The following TNIK variants were observed in gnomAD, a reference collection of about 807,000 sequenced individuals.
The protein encoded by TNIK is TRAF2 and NCK interacting kinase.
TNIK carries 49 observed loss-of-function variants against 191.3 expected under a neutral mutation model. That is an observed-to-expected ratio of 0.26 (90% CI 0.20 to 0.32). TNIK has a LOEUF of 0.32. Ranked by LOEUF, TNIK falls within the 10% of genes least tolerant of loss-of-function variation. The probability of loss-of-function intolerance (pLI) is 1.00; values close to 1 mark genes in which losing one functional copy is unlikely to be tolerated. For missense variants in TNIK, 1,155 were observed against 1,702.3 expected, an observed-to-expected ratio of 0.68 and a Z score of 5.66; for synonymous variants, 594 against 600.9, an observed-to-expected ratio of 0.99 and a Z score of 0.17.
intron 18 of TNIK, among the ~76,000 whole-genome samples, chr3:171,115,651 C>A (rs1168882270): frequency 6.6e-6 from 1 of 151,946 alleles, no homozygotes; most frequent in Non-Finnish European, 1.5e-5. Context: ...TGACACTGGC[C>A]AAATCAAGTA....
intron 2 of TNIK, among the ~76,000 whole-genome samples, chr3:171,327,723 T>A (rs1577492362): frequency 6.6e-6 from 1 of 151,794 alleles, no homozygotes; most frequent in Admixed American, 6.6e-5. Context: ...GGGTGTGTAA[T>A]GTGTTACCGC....
Position 171,194,564 on chromosome 3 carries a change from T to C in TNIK, c.378A>G (p.Lys126=), listed in dbSNP as rs761516132. 8.1e-6 allele frequency: 13 copies of C among 1,613,840 alleles called. No homozygotes were observed. The highest frequency in any genetic ancestry group is 1.1e-5 in the Non-Finnish European group (13 of 1,179,884). ...LIKNTKGNTL[K]EEWIAYICRE... is the part of the protein sequence containing the mutation. The stretch of plus-strand genomic sequence containing the variant: ...TGCAGATGTATGCAATCCACTCCTC[T>C]TTCAACGTGTTACCTTTTGTGTTCT... Residue 126 remains lysine (K), a synonymous_variant, in exon 5 of 33, where the codon AAA becomes AAG. Coordinates refer to ENST00000436636, the MANE Select transcript of TNIK (RefSeq NM_015028.4).
intron 30 of TNIK, 149 bp downstream of exon 30, chr3:171,068,699 T>C (rs1718779124): frequency 3.3e-6 from 2 of 608,394 alleles, no homozygotes; most frequent in East Asian, 3.5e-5. Context: ...TTTTAGTTAT[T>C]AAAAGCAGTA....
intron 3 of TNIK, among the ~76,000 whole-genome samples, chr3:171,218,737 G>T (rs145454144): frequency 7.0e-6 from 1 of 143,100 alleles, no homozygotes. Context: ...TTTTTACATT[G>T]TATACACTAT....
Position 171,460,286 on chromosome 3 carries a change from A to G in TNIK, c.-223T>C. 1.6e-6 allele frequency: 1 copy of G among 608,714 alleles called. No individual in the cohort carries two copies. The highest frequency in any genetic ancestry group is 2.9e-6 in the Non-Finnish European group (1 of 348,182). The allele number at this position is 608,714 out of a possible 1,614,324, so 37.7% of individuals were successfully genotyped here. A position where few individuals can be genotyped will look rare whatever the true frequency, so the allele number is the denominator to read the frequency against. On this transcript the variant is annotated 5_prime_UTR_variant, in exon 1 of 33. Transcript: ENST00000436636. The surrounding 1 kb of genome is among the most constrained non-coding windows in gnomAD (Gnocchi z 6.8). The stretch of plus-strand genomic sequence containing the variant: ...AGCCTGCGCGGATCTCCAAGCCCCG[A>G]GCAGCGGTGCGTGTGGGCTGAGCGC...
chr3:171,184,875 T>G (rs1256840546), intron 7 of TNIK, among the ~76,000 whole-genome samples: 2 of 152,174 alleles, frequency 1.3e-5, no homozygotes, highest in African/African-American at 4.8e-5. Context: ...GAGACACCCA[T>G]GTCTGCAAAT....
At chr3:171,109,104 A>C (rs1725435304) in intron 19 of TNIK, among the ~76,000 whole-genome samples, 1 of 152,210 alleles carries the variant, frequency 6.6e-6, no homozygotes, top group Admixed American at 6.5e-5. Flanking sequence ...GTTTATTTAA[A>C]TATTTGCTCT....
intron 9 of TNIK, among the ~76,000 whole-genome samples, chr3:171,173,588 T>C (rs941738757): frequency 2.0e-4 from 30 of 152,092 alleles, no homozygotes; most frequent in African/African-American, 7.0e-4. Context: ...GAAATCTAAA[T>C]GTAATGCTCA....
chr3:171,450,688 G>A (rs2108727210), intron 1 of TNIK, among the ~76,000 whole-genome samples: 1 of 152,250 alleles, frequency 6.6e-6, no homozygotes, highest in East Asian at 1.9e-4. Flanking sequence ...TCCTATTTAT[G>A]CCTTTTATCA....
chr3:171,188,354 G>A (rs896518597), intron 7 of TNIK, among the ~76,000 whole-genome samples: 8 of 151,992 alleles, frequency 5.3e-5, no homozygotes, highest in African/African-American at 1.9e-4. Flanking sequence ...TTAGTTTAAC[G>A]TAAAAAGCTA....
rs140013711 is a variant in TNIK at position 171,074,413 on chromosome 3, G to A, written c.3449-3090C>T. ...AATTTACCTGTTGCGTATAATGTTC[G>A]CAATTTGGCTGATGAGTTCACTGGA... On this transcript the variant is annotated intron_variant, in intron 28 of 32. Transcript: ENST00000436636. 5.1e-4 allele frequency among the ~76,000 whole-genome samples: 77 copies of A among 151,984 alleles called. No individual in the cohort carries two copies. The East Asian group carries it at 0.014, about 28-fold the overall frequency.
At chr3:171,375,525 CT>C (rs1163197901) in intron 1 of TNIK, among the ~76,000 whole-genome samples, 2 of 151,862 alleles carry the variant, frequency 1.3e-5, no homozygotes, top group African/African-American at 4.9e-5. Flanking sequence ...AATAAATACT[CT>C]TTCTTTCAGC....
intron 2 of TNIK, among the ~76,000 whole-genome samples, chr3:171,252,904 TA>T: frequency 1.3e-5 from 2 of 151,566 alleles, no homozygotes; most frequent in East Asian, 3.9e-4. Context: ...TTAAATGGAG[TA>T]GGGGTGTAGA....
At chr3:171,309,671 T>C (rs1370582643) in intron 2 of TNIK, among the ~76,000 whole-genome samples, 1 of 152,218 alleles carries the variant, frequency 6.6e-6, no homozygotes, top group African/African-American at 2.4e-5. Context: ...CAGTAACTTT[T>C]AAGAATGTAA....
rs145167076 is a variant in TNIK at position 171,106,094 on chromosome 3, A to C, written c.2406+1089T>G. ...CGTCACTCTGGGTGGTGAGGTGGCC[A>C]TAAGTCTGAAAAAGTGAGGCTCTTC... is the stretch of plus-strand genomic sequence containing the variant. On this transcript the variant is annotated intron_variant, in intron 21 of 32. Transcript: ENST00000436636. 1.7e-3 allele frequency among the ~76,000 whole-genome samples: 254 copies of C among 152,344 alleles called. 1 individual carries two copies. The highest frequency in any genetic ancestry group is 5.8e-3 in the African/African-American group (241 of 41,582).
intron 3 of TNIK, among the ~76,000 whole-genome samples, chr3:171,214,055 C>T (rs775180923): frequency 1.3e-5 from 2 of 152,038 alleles, no homozygotes; most frequent in African/African-American, 2.4e-5. Context: ...TATGGAACCA[C>T]TGTAAGACAT....
intron 6 of TNIK, among the ~76,000 whole-genome samples, chr3:171,189,453 C>A (rs1737762724): frequency 6.6e-6 from 1 of 152,122 alleles, no homozygotes. Context: ...CAAGGCTTCA[C>A]AGGGACCAAA....
At chr3:171,249,029 C>T (rs61792442) in intron 2 of TNIK, among the ~76,000 whole-genome samples, 16,648 of 152,192 alleles carry the variant, frequency 0.11, 993 homozygotes, top group Non-Finnish European at 0.12. Flanking sequence ...GTGAAAGTAA[C>T]GGTTTTATTT....
In TNIK at chr3:171,101,616, G is replaced by C; in HGVS notation, c.2424C>G (p.Ala808=). ...KAIDEDLTAL[A]KELRELRIEE... is the part of the protein sequence containing the mutation. The stretch of plus-strand genomic sequence containing the variant: ...CAATCCGGAGTTCTCTTAGTTCTTT[G>C]GCTAATGCCGTCAGATCCTATGAAA... The change falls in exon 22 of 33, where the codon GCC becomes GCG. Residue 808 remains alanine (A), a synonymous_variant. Transcript: ENST00000436636. The C allele has an allele frequency of 6.2e-7, 1 of 1,612,816 alleles. No homozygotes were observed. Among genetic ancestry groups the C allele is most frequent in the Non-Finnish European group, 8.5e-7 (1 of 1,179,290 alleles).
Sources: gnomAD v4.1 joint callset for allele counts (sites outside exome capture counted in the v4.1 genomes callset) on GRCh38, gnomAD v4.1.1 for gene constraint, Gnocchi (gnomAD v3.1) non-coding constraint, MANE v1.5 for transcripts, NCBI Gene and HGNC (gene_info 2026-07-23, HGNC 2026-07-21) for gene names.